Variants in CACNB2 observed in about 807,000 individuals in gnomAD.
CACNB2 encodes calcium voltage-gated channel auxiliary subunit beta 2, also known as voltage-dependent L-type calcium channel subunit beta-2.
In CACNB2, 42 loss-of-function variants were observed where a neutral mutation model predicts 73.3. That is an observed-to-expected ratio of 0.57 (90% confidence interval 0.45 to 0.74). The LOEUF (loss-of-function observed/expected upper bound fraction) is 0.74. CACNB2 is among the 30% of genes least tolerant of loss of function. The pLI, the probability that CACNB2 is intolerant of heterozygous loss-of-function variation, is 0.00. For synonymous variants in CACNB2, 348 were observed against 310.3 expected (o/e 1.12, Z -1.28); for missense variants, 940 against 853.0 (o/e 1.10, Z -1.27).
chr10:18,521,154 C>T (rs1172083385), intron 9 of CACNB2, among the ~76,000 whole-genome samples: 1 of 152,148 alleles, frequency 6.6e-6, no homozygotes, highest in African/African-American at 2.4e-5. Flanking sequence ...TCATGGAAAC[C>T]ATAAATTGAA....
At chr10:18,452,146 G>T (rs148317201) in intron 3 of CACNB2, among the ~76,000 whole-genome samples, 60 of 152,270 alleles carry the variant, frequency 3.9e-4, no homozygotes, top group African/African-American at 1.2e-3. Flanking sequence ...AAATACAGCT[G>T]GGCATAGCGA....
In CACNB2 at chr10:18,335,317, G is replaced by A. The variant is rs145759103; in HGVS notation, c.214-66607G>A. Among the ~76,000 whole-genome samples, 971 of 152,272 alleles carry A rather than the reference G, an allele frequency of 6.4e-3. 10 individuals are homozygous for A. The highest frequency in any genetic ancestry group is 0.022 in the African/African-American group (924 of 41,552). ...TCACAGGGTGTGATGGCTCACACCTGTAATCCCAGCGCTTTGGGACGCCAA... is the reference window on the plus strand; with the variant it reads ...TCACAGGGTGTGATGGCTCACACCTATAATCCCAGCGCTTTGGGACGCCAA... On this transcript the variant is annotated intron_variant, in intron 2 of 13. Transcript: ENST00000324631.
intron 7 of CACNB2, among the ~76,000 whole-genome samples, chr10:18,517,332 C>T (rs2051381132): frequency 6.6e-6 from 1 of 152,068 alleles, no homozygotes; most frequent in Non-Finnish European, 1.5e-5. Context: ...TTTATGCTAT[C>T]AAAAGAGCCA....
chr10:18,216,133 T>C (rs2035501538), intron 2 of CACNB2, among the ~76,000 whole-genome samples: 2 of 144,770 alleles, frequency 1.4e-5, no homozygotes, highest in East Asian at 2.0e-4. Flanking sequence ...CCGTCTCAAC[T>C]AAAAAAAAAA....
At chr10:18,210,676 G>A (rs1170300539) in intron 2 of CACNB2, among the ~76,000 whole-genome samples, 2 of 152,100 alleles carry the variant, frequency 1.3e-5, no homozygotes, top group African/African-American at 4.8e-5. Flanking sequence ...TTTATTGTTA[G>A]CATCAAATAT....
At chr10:18,400,436 G>A (rs1270278978) in intron 2 of CACNB2, 1 of 260,662 alleles carries the variant, frequency 3.8e-6, no homozygotes, top group African/African-American at 2.3e-5. Context: ...GACCTTTCCA[G>A]CTGTTTACAC....
At chr10:18,384,177 T>G (rs1404928282) in intron 2 of CACNB2, among the ~76,000 whole-genome samples, 1 of 152,120 alleles carries the variant, frequency 6.6e-6, no homozygotes. Context: ...CTCCCGAAGA[T>G]CAATAGGACC....
intron 10 of CACNB2, chr10:18,533,358 TCAGA>T (rs563104301): frequency 6.6e-6 from 1 of 152,230 alleles, no homozygotes; most frequent in Non-Finnish European, 1.5e-5. Flanking sequence ...GAAAATTCGG[TCAGA>T]CAGTCCGGTT....
chr10:18,142,757 A>T (rs1261904315), intron 1 of CACNB2, among the ~76,000 whole-genome samples: 1 of 152,236 alleles, frequency 6.6e-6, no homozygotes, highest in East Asian at 1.9e-4. Context: ...TACAGCAGCA[A>T]TGTGGAAATG....
chr10:18,197,693 G>A (rs1348111967), intron 2 of CACNB2, among the ~76,000 whole-genome samples: 1 of 152,034 alleles, frequency 6.6e-6, no homozygotes, highest in Non-Finnish European at 1.5e-5. Flanking sequence ...TCAGAGCATT[G>A]CCATGTTCTG....
intron 2 of CACNB2, among the ~76,000 whole-genome samples, chr10:18,280,642 T>C (rs568904772): frequency 1.3e-5 from 2 of 152,320 alleles, no homozygotes; most frequent in Admixed American, 6.5e-5. Context: ...CAACTGTACA[T>C]GGCAGCCCTG....
chr10:18,153,590 A>G (rs1436387060), intron 2 of CACNB2, among the ~76,000 whole-genome samples: 1 of 149,174 alleles, frequency 6.7e-6, no homozygotes. Flanking sequence ...TTATTTATTT[A>G]TTTATTTTTG....
In CACNB2 at chr10:18,196,870, T is replaced by C. The variant is rs552661571; in HGVS notation, c.213+45895T>C. Among the ~76,000 whole-genome samples, 34 of 152,318 alleles carry C rather than the reference T, an allele frequency of 2.2e-4. 1 individual carries two copies. In the South Asian group the frequency reaches 7.0e-3, roughly 32 times the overall value. On this transcript the variant is annotated intron_variant, in intron 2 of 13. Coordinates refer to ENST00000324631, the MANE Select transcript of CACNB2 (RefSeq NM_201596.3). ...TAACTGGCCTTCAATTACTAGTCAA[T>C]TTCCTTGTCTTCCTGGATTTTTCAG...
intron 3 of CACNB2, among the ~76,000 whole-genome samples, chr10:18,432,952 A>G (rs576436679): frequency 4.6e-5 from 7 of 152,250 alleles, no homozygotes; most frequent in Non-Finnish European, 1.0e-4. Flanking sequence ...CACCTTTGAG[A>G]TAAAAGAGAG....
intron 3 of CACNB2, among the ~76,000 whole-genome samples, chr10:18,461,783 T>TTTTTTTTTTTTG (rs1170783661): frequency 6.7e-6 from 1 of 148,724 alleles, no homozygotes; most frequent in African/African-American, 2.5e-5. Flanking sequence ...TTTTTTTTTT[T>TTTTTTTTTTTTG]TTTGGCGTTG....
chr10:18,399,005 C>T (rs550990904), intron 2 of CACNB2, among the ~76,000 whole-genome samples: 173 of 152,172 alleles, frequency 1.1e-3, no homozygotes, highest in Non-Finnish European at 2.1e-3. Context: ...GGAATGCGAC[C>T]GCGGGAATGA....
intron 2 of CACNB2, among the ~76,000 whole-genome samples, chr10:18,381,757 A>G (rs2132373142): frequency 6.6e-6 from 1 of 151,378 alleles, no homozygotes; most frequent in African/African-American, 2.4e-5. Context: ...ATGTGAAGGG[A>G]TAGGATTGTA....
At chr10:18,325,976 C>T (rs1449442614) in intron 2 of CACNB2, among the ~76,000 whole-genome samples, 1 of 152,052 alleles carries the variant, frequency 6.6e-6, no homozygotes, top group Admixed American at 6.5e-5. Flanking sequence ...AACTCCTGGG[C>T]TCAAACTCCT....
chr10:18,375,767 G>T (rs2042773472), intron 2 of CACNB2, among the ~76,000 whole-genome samples: 1 of 152,156 alleles, frequency 6.6e-6, no homozygotes, highest in Admixed American at 6.6e-5. Context: ...TTGAAGGATG[G>T]TTCAATGTTA....
Sources: allele counts gnomAD v4.1 joint callset (sites outside exome capture counted in the v4.1 genomes callset), GRCh38; gene constraint gnomAD v4.1.1; transcripts MANE v1.5; gene names NCBI Gene and HGNC (gene_info 2026-07-23, HGNC 2026-07-21).